Variants in DRAM1 observed in about 807,000 individuals in gnomAD.
DRAM1 encodes DNA damage regulated autophagy modulator 1.
A neutral mutation model predicts 28.5 loss-of-function variants in DRAM1; 25 were observed. That is an observed-to-expected ratio of 0.88 (90% CI 0.64 to 1.23). DRAM1 has a LOEUF of 1.23. Ranked by LOEUF, DRAM1 falls within the 50% of genes most tolerant of loss-of-function variation. The probability of loss-of-function intolerance (pLI) is 0.00; values close to 1 mark genes in which losing one functional copy is unlikely to be tolerated. For missense variants in DRAM1, 249 were observed against 299.2 expected, an observed-to-expected ratio of 0.83 and a Z score of 1.24; for synonymous variants, 113 against 114.2, an observed-to-expected ratio of 0.99 and a Z score of 0.07.
Position 101,904,858 on chromosome 12 carries a change from C to T in DRAM1, c.343-3328C>T, listed in dbSNP as rs183926108. Among the ~76,000 whole-genome samples the T allele has an allele frequency of 7.9e-4, 120 of 152,170 alleles. 2 individuals are homozygous for T. The highest frequency in any genetic ancestry group is 2.4e-3 in the African/African-American group (100 of 41,520). Reference sequence around the variant, plus strand: ...AAAGAGTGCCGGGTTTTAACTTTATCGAAAATTCATGTCTGATCTAAACAT... The same window carrying T: ...AAAGAGTGCCGGGTTTTAACTTTATTGAAAATTCATGTCTGATCTAAACAT... On this transcript the variant is annotated intron_variant, in intron 3 of 6. Transcript: ENST00000258534.
rs376017683 is a variant in DRAM1, at chr12:101,920,235, C to A, written c.672+34C>A. 2.7e-6 allele frequency: 4 copies of A among 1,471,880 alleles called. No individual in the cohort carries two copies. The African/African-American group carries it at 4.2e-5, about 15-fold the overall frequency. 91.2% of individuals were successfully genotyped at this position (1,471,880 alleles called of 1,614,324 possible). On this transcript the variant is annotated intron_variant, in intron 6 of 6. Coordinates refer to ENST00000258534, the MANE Select transcript of DRAM1 (RefSeq NM_018370.3). ...TTATCAATTCAAATGTTTTAAATTGCGGACAATTAGGATTAGTAAAAATTT... is the reference window on the plus strand; with the variant it reads ...TTATCAATTCAAATGTTTTAAATTGAGGACAATTAGGATTAGTAAAAATTT...
chr12:101,878,997 T>C (rs1403917427), intron 1 of DRAM1, among the ~76,000 whole-genome samples: 1 of 64,070 alleles, frequency 1.6e-5, no homozygotes, highest in South Asian at 5.5e-4. Flanking sequence ...TTTTTTAAAA[T>C]TTTTTTTATT....
intron 2 of DRAM1, among the ~76,000 whole-genome samples, chr12:101,898,680 G>C (rs934355140): frequency 6.6e-6 from 1 of 152,164 alleles, no homozygotes; most frequent in African/African-American, 2.4e-5. Flanking sequence ...AGAACCTTTG[G>C]GAGTGTGGGT....
intron 1 of DRAM1, among the ~76,000 whole-genome samples, chr12:101,885,686 C>T (rs147706411): frequency 0.013 from 1,903 of 151,898 alleles, 41 homozygotes; most frequent in African/African-American, 0.044. Flanking sequence ...GCCACCATGC[C>T]CACCTAATTT....
chr12:101,878,836 T>C, intron 1 of DRAM1, among the ~76,000 whole-genome samples: 1 of 152,074 alleles, frequency 6.6e-6, no homozygotes, highest in Non-Finnish European at 1.5e-5. Flanking sequence ...TGATAGAAAA[T>C]GTAGGGCGTC....
intron 3 of DRAM1, among the ~76,000 whole-genome samples, chr12:101,903,121 G>A (rs1873666033): frequency 6.6e-6 from 1 of 152,158 alleles, no homozygotes; most frequent in Non-Finnish European, 1.5e-5. Flanking sequence ...GTTTCCCCAT[G>A]TTGGCCAGGC....
intron 1 of DRAM1, among the ~76,000 whole-genome samples, chr12:101,884,823 T>A (rs1374111384): frequency 6.6e-6 from 1 of 152,116 alleles, no homozygotes; most frequent in African/African-American, 2.4e-5. Context: ...AAAATGATAC[T>A]AAAAATTAGG....
intron 1 of DRAM1, among the ~76,000 whole-genome samples, chr12:101,893,481 C>G (rs1310053700): frequency 6.6e-6 from 1 of 152,160 alleles, no homozygotes; most frequent in Non-Finnish European, 1.5e-5. Flanking sequence ...GCTCCCCGCC[C>G]CCAATCATTC....
chr12:101,917,864 G>C (rs1874318028), intron 5 of DRAM1, among the ~76,000 whole-genome samples: 1 of 152,160 alleles, frequency 6.6e-6, no homozygotes, highest in Admixed American at 6.6e-5. Flanking sequence ...ACCTCTTTCT[G>C]AAAGTGAGAC....
At chr12:101,879,380 G>A (rs1192167524) in intron 1 of DRAM1, among the ~76,000 whole-genome samples, 3 of 152,228 alleles carry the variant, frequency 2.0e-5, no homozygotes, top group African/African-American at 7.2e-5. Flanking sequence ...TTTTGCCTAT[G>A]AAAGGAGATG....
At chr12:101,917,318 C>G (rs1874284014) in intron 5 of DRAM1, among the ~76,000 whole-genome samples, 1 of 152,122 alleles carries the variant, frequency 6.6e-6, no homozygotes, top group African/African-American at 2.4e-5. Flanking sequence ...AGAACTCTGG[C>G]AGGTAATGGA....
At chr12:101,905,252 A>G (rs1324789372) in intron 3 of DRAM1, among the ~76,000 whole-genome samples, 1 of 152,086 alleles carries the variant, frequency 6.6e-6, no homozygotes, top group Non-Finnish European at 1.5e-5. Context: ...TATGTTAGGA[A>G]TCTTATTTAT....
rs1337082362 is a variant in DRAM1, at chr12:101,888,379, C to T, written c.132-9484C>T. On this transcript the variant is annotated intron_variant, in intron 1 of 6. Coordinates refer to ENST00000258534, the MANE Select transcript of DRAM1 (RefSeq NM_018370.3). ...CTCTTGACCTCAGGCGATCCACCCA[C>T]CTCAGCCTCCCGAAGTGCTAGGATT... Among the ~76,000 whole-genome samples, 6 of 152,124 alleles carry T rather than the reference C, an allele frequency of 3.9e-5. No homozygotes were observed. In the East Asian group the frequency reaches 1.2e-3, roughly 29 times the overall value.
intron 3 of DRAM1, among the ~76,000 whole-genome samples, chr12:101,904,196 T>C (rs1873708923): frequency 6.6e-6 from 1 of 151,968 alleles, no homozygotes; most frequent in African/African-American, 2.4e-5. Context: ...TTCGCCATGT[T>C]GGCCAGGCAT....
At chr12:101,884,457 C>G (rs1325130615) in intron 1 of DRAM1, among the ~76,000 whole-genome samples, 7 of 151,198 alleles carry the variant, frequency 4.6e-5, no homozygotes, top group Middle Eastern at 3.4e-3. Context: ...AGTTTCTTAT[C>G]AAATTATTAA....
Position 101,920,189 on chromosome 12 carries a change from C to A in DRAM1, c.660C>A (p.Ile220=). The A allele has an allele frequency of 6.2e-7, 1 of 1,608,918 alleles. No individual in the cohort carries two copies. The highest frequency in any genetic ancestry group is 8.5e-7 in the Non-Finnish European group (1 of 1,177,070). ...TTATTTTCTACTTCCTAACTTTCATCCAAGATTTCCAGGTAGGTGTTTATC... is the reference window on the plus strand; with the variant it reads ...TTATTTTCTACTTCCTAACTTTCATACAAGATTTCCAGGTAGGTGTTTATC... ...FGFIFYFLTF[I]QDFQSVTLRI... is the part of the protein sequence containing the mutation. The change falls in exon 6 of 7, where the codon ATC becomes ATA. Residue 220 remains isoleucine (I), a synonymous_variant. Coordinates refer to ENST00000258534, the MANE Select transcript of DRAM1 (RefSeq NM_018370.3).
rs566579939 is a variant in DRAM1 at position 101,877,744 on chromosome 12, C to T, written c.-46C>T. 13 of 1,380,768 alleles carry T rather than the reference C, an allele frequency of 9.4e-6. No individual in the cohort carries two copies. The Admixed American group carries it at 1.7e-4, about 19-fold the overall frequency. 85.5% of individuals were successfully genotyped at this position (1,380,768 alleles called of 1,614,324 possible). On this transcript the variant is annotated 5_prime_UTR_variant, in exon 1 of 7. Transcript: ENST00000258534. This position sits in a 1 kb window ranked among gnomAD's most constrained non-coding sequence, Gnocchi z 4.1. ...CAGGCAGCCCGGAGCAACCCGGCGC[C>T]CGGCCCCGCTGGGCGCAGCACTCCG...
chr12:101,887,063 C>A (rs1019153759), intron 1 of DRAM1, among the ~76,000 whole-genome samples: 7 of 149,462 alleles, frequency 4.7e-5, no homozygotes, highest in African/African-American at 1.5e-4. Flanking sequence ...GAGAGTCACT[C>A]GAACCTGGGA....
intron 1 of DRAM1, among the ~76,000 whole-genome samples, chr12:101,880,368 A>C (rs1376237811): frequency 7.5e-6 from 1 of 133,404 alleles, no homozygotes; most frequent in African/African-American, 2.9e-5. Flanking sequence ...GCTCAGTGCA[A>C]CCTCCACCTC....
Sources: gnomAD v4.1 joint callset for allele counts (sites outside exome capture counted in the v4.1 genomes callset) on GRCh38, gnomAD v4.1.1 for gene constraint, Gnocchi (gnomAD v3.1) non-coding constraint, MANE v1.5 for transcripts, NCBI Gene and HGNC (gene_info 2026-07-23, HGNC 2026-07-21) for gene names.